TAMM41: variants seen among roughly 807,000 people sequenced by gnomAD.
The protein encoded by TAMM41 is phosphatidate cytidylyltransferase, mitochondrial.
In TAMM41, 36 loss-of-function variants were observed where a neutral mutation model predicts 44.1. That is an observed-to-expected ratio of 0.82 (90% confidence interval 0.63 to 1.08). The LOEUF (loss-of-function observed/expected upper bound fraction) is 1.08, where lower values mean the gene tolerates loss of function less well. Ranked by LOEUF, TAMM41 falls within the 50% of genes least tolerant of loss-of-function variation. TAMM41 has a pLI of 0.00. For synonymous variants in TAMM41, 164 were observed against 153.1 expected (o/e 1.07, Z -0.53); for missense variants, 417 against 404.3 (o/e 1.03, Z -0.27).
the TAMM41 span, among the ~76,000 whole-genome samples, chr3:11,768,568 A>C: frequency 1.3e-5 from 2 of 152,254 alleles, no homozygotes; most frequent in Non-Finnish European, 2.9e-5. Context: ...TTCATTTTCC[A>C]AGTACCTATG....
intron 4 of TAMM41, among the ~76,000 whole-genome samples, chr3:11,824,719 T>C (rs2078670452): frequency 6.6e-6 from 1 of 152,178 alleles, no homozygotes; most frequent in South Asian, 2.1e-4. Context: ...ACCTAGTACA[T>C]GTCACATACT....
At chr3:11,727,897 C>A in the TAMM41 span, among the ~76,000 whole-genome samples, 1 of 151,364 alleles carries the variant, frequency 6.6e-6, no homozygotes, top group African/African-American at 2.4e-5. Context: ...AGTGATTCTC[C>A]TGCCTCAGCC....
chr3:11,807,052 T>C (rs1039311262), intron 7 of TAMM41: 1 of 522,928 alleles, frequency 1.9e-6, no homozygotes, highest in Non-Finnish European at 2.5e-6. Context: ...GTGCCTTCCA[T>C]GTTCCCCTTC....
At chr3:11,825,565 T>C (rs1258078439) in intron 4 of TAMM41, among the ~76,000 whole-genome samples, 6 of 152,230 alleles carry the variant, frequency 3.9e-5, no homozygotes, top group African/African-American at 1.4e-4. Flanking sequence ...CACTGAATGC[T>C]AATTTTTTTC....
At chr3:11,799,554 C>G (rs1276543440) in intron 7 of TAMM41, among the ~76,000 whole-genome samples, 1 of 152,200 alleles carries the variant, frequency 6.6e-6, no homozygotes, top group Non-Finnish European at 1.5e-5. Context: ...TATGTCACCT[C>G]AGTGTGAGGT....
chr3:11,725,389 T>C, the TAMM41 span, among the ~76,000 whole-genome samples: 306 of 140,566 alleles, frequency 2.2e-3, no homozygotes, highest in African/African-American at 7.7e-3. Flanking sequence ...TCCTCCTCCT[T>C]CTTTTTCTTC....
chr3:11,817,302 T>C lies in TAMM41; in HGVS notation c.598A>G (p.Lys200Glu), dbSNP rs758685401. ...FRMVVGEDKT[K>E]VLNIVKPNIA... ...TTGGGCTTCACAATATTCAACACTT[T>C]TGTTTTATCTTCTCCAACCACCATC... is the stretch of plus-strand genomic sequence containing the variant. Residue 200 changes from lysine (K) to glutamate (E), a missense_variant, in exon 5 of 8, where the codon AAA (lysine) becomes GAA (glutamate). By Grantham distance (56) the Lys-to-Glu change is moderately conservative. Transcript: ENST00000455809. 13 of 1,611,632 alleles carry C rather than the reference T, an allele frequency of 8.1e-6. No homozygotes were observed. Among genetic ancestry groups the C allele is most frequent in the Non-Finnish European group, 9.3e-6 (11 of 1,178,058 alleles).
intron 7 of TAMM41, among the ~76,000 whole-genome samples, chr3:11,803,832 A>G (rs926490037): frequency 3.9e-5 from 6 of 152,336 alleles, no homozygotes; most frequent in Admixed American, 3.9e-4. Context: ...ATAACTCAGA[A>G]ACAGAAATTC....
At chr3:11,751,343 C>T in the TAMM41 span, among the ~76,000 whole-genome samples, 8 of 152,118 alleles carry the variant, frequency 5.3e-5, no homozygotes, top group East Asian at 1.9e-4. Flanking sequence ...CTGCCCGCCT[C>T]GGCCCCCCAA....
At chr3:11,770,887 G>A in the TAMM41 span, among the ~76,000 whole-genome samples, 1 of 152,144 alleles carries the variant, frequency 6.6e-6, no homozygotes, top group Non-Finnish European at 1.5e-5. Context: ...AGTCCCAGGT[G>A]TCTCTCCCCA....
chr3:11,751,157 T>A, the TAMM41 span, among the ~76,000 whole-genome samples: 5 of 149,804 alleles, frequency 3.3e-5, no homozygotes, highest in Non-Finnish European at 7.4e-5. Flanking sequence ...AGTGGCGTGA[T>A]CTCAAATCAC....
intron 2 of TAMM41, among the ~76,000 whole-genome samples, chr3:11,842,448 G>A (rs1043880103): frequency 2.7e-5 from 4 of 149,464 alleles, no homozygotes; most frequent in African/African-American, 7.4e-5. Context: ...GCTCACACCT[G>A]TAAATCCCAG....
chr3:11,781,137 G>T, the TAMM41 span, among the ~76,000 whole-genome samples: 3 of 152,094 alleles, frequency 2.0e-5, no homozygotes, highest in African/African-American at 7.2e-5. Flanking sequence ...CTTTTCATCT[G>T]CCACGTCCTG....
At chr3:11,829,394 G>C (rs578133175) in intron 4 of TAMM41, among the ~76,000 whole-genome samples, 1 of 152,290 alleles carries the variant, frequency 6.6e-6, no homozygotes, top group African/African-American at 2.4e-5. Context: ...ATGGTGCAAT[G>C]TTAAAATTGG....
At position 11,846,770 on chromosome 3, in the gene TAMM41, G is replaced by T; in HGVS notation, c.-134C>A. 8.7e-7 allele frequency: 1 copy of T among 1,155,714 alleles called. No individual in the cohort carries two copies. Among genetic ancestry groups the T allele is most frequent in the Non-Finnish European group, 1.2e-6 (1 of 811,734 alleles). The allele number at this position is 1,155,714 out of a possible 1,614,324, so 71.6% of individuals were successfully genotyped here. ...ATCGAGGGACACAAGGCTGAGTGTG[G>T]GGTGGGACTGCAAGCACACGCAAGG... is the stretch of plus-strand genomic sequence containing the variant. On this transcript the variant is annotated 5_prime_UTR_variant, in exon 1 of 8. Transcript: ENST00000455809.
intron 3 of TAMM41, among the ~76,000 whole-genome samples, chr3:11,836,059 C>T (rs2079160703): frequency 2.0e-5 from 3 of 150,518 alleles, no homozygotes; most frequent in South Asian, 4.2e-4. Context: ...TGCAATGGCA[C>T]GATCTTGGCT....
chr3:11,846,388 G>A lies in TAMM41; in HGVS notation c.135+114C>T, dbSNP rs1248713365. The A allele has an allele frequency of 6.5e-6, 8 of 1,221,724 alleles. No individual in the cohort carries two copies. The Admixed American group carries it at 7.8e-5, about 12-fold the overall frequency. 75.7% of individuals were successfully genotyped at this position (1,221,724 alleles called of 1,614,324 possible). On this transcript the variant is annotated intron_variant, in intron 1 of 7. Transcript: ENST00000455809. ...CAGGCCTATGGTTCACTCTGCTAGT[G>A]GACACGTGGAGTGTGCAGAGCGGAC...
At chr3:11,813,651 T>G (rs1226807112) in intron 5 of TAMM41, among the ~76,000 whole-genome samples, 1 of 152,026 alleles carries the variant, frequency 6.6e-6, no homozygotes, top group East Asian at 1.9e-4. Context: ...TGCCTCATTC[T>G]TTAAAAACAG....
In TAMM41 at chr3:11,817,189, T is replaced by TAC; in HGVS notation, c.708+1_708+2dup. 1 of 1,608,932 alleles carries TAC rather than the reference T, an allele frequency of 6.2e-7. No homozygotes were observed. The highest frequency in any genetic ancestry group is 8.5e-7 in the Non-Finnish European group (1 of 1,176,278). ...ATACAAGCTATTTTCCACATACAGT[T>TAC]ACCTCCAGCCAGCCTTGCTGGCTTT... On this transcript the variant is annotated splice_region_variant and intron_variant, in intron 5 of 7. Coordinates refer to ENST00000455809, the MANE Select transcript of TAMM41 (RefSeq NM_001284401.2).
Sources: allele counts gnomAD v4.1 joint callset (sites outside exome capture counted in the v4.1 genomes callset), GRCh38; gene constraint gnomAD v4.1.1; transcripts MANE v1.5; gene names NCBI Gene and HGNC (gene_info 2026-07-23, HGNC 2026-07-21).